PRKN: variants seen among roughly 807,000 people sequenced by gnomAD.
PRKN encodes the protein E3 ubiquitin-protein ligase parkin.
PRKN carries 56 observed loss-of-function variants against 59.5 expected under a neutral mutation model. The observed-to-expected ratio is 0.94, with a 90% confidence interval of 0.76 to 1.18. The LOEUF is 1.18. Ranked by LOEUF, PRKN falls within the 50% of genes most tolerant of loss-of-function variation. PRKN has a pLI of 0.00. For synonymous variants in PRKN, 250 were observed against 222.1 expected (o/e 1.13, Z -1.12); for missense variants, 657 against 596.4 (o/e 1.10, Z -1.06).
intron 1 of PRKN, among the ~76,000 whole-genome samples, chr6:162,612,745 G>A (rs1464562443): frequency 5.9e-5 from 9 of 152,084 alleles, no homozygotes; most frequent in Admixed American, 2.6e-4. Flanking sequence ...CCAGAGTTAC[G>A]CTTTCCAGAC....
intron 7 of PRKN, among the ~76,000 whole-genome samples, chr6:161,771,384 A>AT (rs1789685252): frequency 6.8e-6 from 1 of 146,636 alleles, no homozygotes; most frequent in Non-Finnish European, 1.5e-5. Flanking sequence ...AAATAAAATA[A>AT]AATAAAATAA....
At position 161,349,958 on chromosome 6, in the gene PRKN, G is replaced by C. The variant is rs1784451573; in HGVS notation, c.*141C>G. ...GAGTTTCTTCTGCAATTTGGCTGTAGTTGGACTTTGAAAAAAACTTGAAGA... is the reference window on the plus strand; with the variant it reads ...GAGTTTCTTCTGCAATTTGGCTGTACTTGGACTTTGAAAAAAACTTGAAGA... On this transcript the variant is annotated 3_prime_UTR_variant, in exon 12 of 12. Transcript: ENST00000366898. This position sits in a 1 kb window ranked among gnomAD's most constrained non-coding sequence, Gnocchi z 5.5. The C allele has an allele frequency of 1.4e-6, 1 of 690,050 alleles. No homozygotes were observed. The highest frequency in any genetic ancestry group is 2.6e-6 in the Non-Finnish European group (1 of 377,888). 42.7% of individuals were successfully genotyped at this position (690,050 alleles called of 1,614,324 possible).
intron 2 of PRKN, among the ~76,000 whole-genome samples, chr6:162,284,168 G>T (rs955863915): frequency 6.8e-6 from 1 of 146,146 alleles, no homozygotes; most frequent in African/African-American, 2.5e-5. Context: ...TAATTTCAGA[G>T]ATTTTGAAGG....
intron 1 of PRKN, among the ~76,000 whole-genome samples, chr6:162,507,742 C>A (rs1335060052): frequency 1.3e-5 from 2 of 152,172 alleles, no homozygotes; most frequent in East Asian, 3.9e-4. Flanking sequence ...TCTGTCTCCC[C>A]TGTTGGAGTG....
At chr6:162,640,982 T>A (rs1777934971) in intron 1 of PRKN, among the ~76,000 whole-genome samples, 1 of 152,162 alleles carries the variant, frequency 6.6e-6, no homozygotes, top group African/African-American at 2.4e-5. Flanking sequence ...GTAAATTTCT[T>A]TTTTGGGATA....
At chr6:161,532,921 CA>C (rs1376794792) in intron 9 of PRKN, among the ~76,000 whole-genome samples, 1 of 152,086 alleles carries the variant, frequency 6.6e-6, no homozygotes, top group Non-Finnish European at 1.5e-5. Flanking sequence ...CCCTCTTATA[CA>C]ATTATATGTA....
chr6:162,555,981 C>CAAAAAAAAAAAAAAAAAAA (rs772336975), intron 1 of PRKN, among the ~76,000 whole-genome samples: 8 of 90,364 alleles, frequency 8.9e-5, no homozygotes, highest in Admixed American at 1.4e-4. Context: ...AACTCCATCT[C>CAAAAAAAAAAAAAAAAAAA]AAAAAAAAAA....
chr6:161,350,558 A>G (rs1490361658), intron 11 of PRKN, among the ~76,000 whole-genome samples: 1 of 139,028 alleles, frequency 7.2e-6, no homozygotes, highest in Non-Finnish European at 1.5e-5. Context: ...ATATTCAAAT[A>G]TTAATATATT....
intron 9 of PRKN, among the ~76,000 whole-genome samples, chr6:161,424,408 T>C (rs967590046): frequency 4.6e-5 from 7 of 151,374 alleles, no homozygotes; most frequent in African/African-American, 1.5e-4. Flanking sequence ...CAGCTCTGGA[T>C]CACAAGTGGT....
intron 9 of PRKN, among the ~76,000 whole-genome samples, chr6:161,491,927 C>G (rs577169129): frequency 6.6e-6 from 1 of 152,158 alleles, no homozygotes; most frequent in East Asian, 1.9e-4. Context: ...CCACCGTGCC[C>G]GGCCTATGAC....
At chr6:162,356,907 A>C (rs78762890) in intron 2 of PRKN, among the ~76,000 whole-genome samples, 32,638 of 152,016 alleles carry the variant, frequency 0.21, 3,716 homozygotes, top group Middle Eastern at 0.27. Context: ...ATGCTGGAAC[A>C]AATAGCCATC....
intron 1 of PRKN, among the ~76,000 whole-genome samples, chr6:162,469,863 C>G (rs181393460): frequency 6.6e-6 from 1 of 151,930 alleles, no homozygotes; most frequent in Non-Finnish European, 1.5e-5. Flanking sequence ...ATCACCTGTT[C>G]CCCAAAAACC....
chr6:161,400,800 G>A lies in PRKN; in HGVS notation c.1084-13923C>T, dbSNP rs1412695164. Among the ~76,000 whole-genome samples, 1 of 152,180 alleles carries A rather than the reference G, an allele frequency of 6.6e-6. No homozygotes were observed. The highest frequency in any genetic ancestry group is 6.5e-5 in the Admixed American group (1 of 15,288). ...AAATATGAGGCGTAACTGCCCTGCA[G>A]TGAGAGCATATGAATTTTTCTGCCA... On this transcript the variant is annotated intron_variant, in intron 9 of 11. Coordinates refer to ENST00000366898, the MANE Select transcript of PRKN (RefSeq NM_004562.3). The surrounding 1 kb of genome is among the most constrained non-coding windows in gnomAD (Gnocchi z 4.2).
At chr6:162,690,132 T>TGTACTCGAAC (rs1777722779) in intron 1 of PRKN, among the ~76,000 whole-genome samples, 5 of 152,252 alleles carry the variant, frequency 3.3e-5, no homozygotes, top group Admixed American at 6.5e-5. Context: ...TGTACTCGAA[T>TGTACTCGAAC]ACAAATTAAG....
intron 5 of PRKN, among the ~76,000 whole-genome samples, chr6:162,037,608 G>A (rs550507422): frequency 6.4e-4 from 97 of 151,444 alleles, no homozygotes; most frequent in African/African-American, 2.3e-3. Context: ...GTGCAGTGGC[G>A]TGATCTCGGC....
intron 6 of PRKN, among the ~76,000 whole-genome samples, chr6:161,936,597 G>A (rs1305299380): frequency 2.6e-5 from 4 of 151,990 alleles, no homozygotes; most frequent in African/African-American, 7.2e-5. Context: ...TTATGAGAGT[G>A]TTTTGAGAAA....
Position 161,592,103 on chromosome 6 carries a change from A to C in PRKN, c.872-22687T>G, listed in dbSNP as rs569561222. On this transcript the variant is annotated intron_variant, in intron 7 of 11. Transcript: ENST00000366898. The surrounding 1 kb of genome is among the most constrained non-coding windows in gnomAD (Gnocchi z 4.8). Reference sequence around the variant, plus strand: ...CTAATACAAAGTCAATGCTATGTAAATAGTTGTTATATTGCAATTTTATTT... The same window carrying C: ...CTAATACAAAGTCAATGCTATGTAACTAGTTGTTATATTGCAATTTTATTT... Among the ~76,000 whole-genome samples the C allele has an allele frequency of 6.6e-6, 1 of 152,316 alleles. No homozygotes were observed. The highest frequency in any genetic ancestry group is 2.1e-4 in the South Asian group (1 of 4,830).
intron 1 of PRKN, among the ~76,000 whole-genome samples, chr6:162,489,709 A>G (rs1470884457): frequency 6.6e-6 from 1 of 152,164 alleles, no homozygotes; most frequent in African/African-American, 2.4e-5. Flanking sequence ...GAGAAAAATT[A>G]TTTCCAATTT....
At chr6:162,626,124 T>C (rs1782878669) in intron 1 of PRKN, among the ~76,000 whole-genome samples, 1 of 152,128 alleles carries the variant, frequency 6.6e-6, no homozygotes, top group Admixed American at 6.5e-5. Flanking sequence ...AAATGATACT[T>C]AGGTTAAGTG....
Sources: allele counts gnomAD v4.1 joint callset (sites outside exome capture counted in the v4.1 genomes callset), GRCh38; gene constraint gnomAD v4.1.1; non-coding constraint Gnocchi (gnomAD v3.1); transcripts MANE v1.5; gene names NCBI Gene and HGNC (gene_info 2026-07-23, HGNC 2026-07-21).